The following CNTLN variants were observed in gnomAD, a reference collection of about 807,000 sequenced individuals.
CNTLN encodes centlein, centrosomal protein.
In CNTLN, 212 loss-of-function variants were observed where a neutral mutation model predicts 180.0. The observed-to-expected ratio is 1.18, with a 90% CI of 1.05 to 1.32. The LOEUF (loss-of-function observed/expected upper bound fraction) is 1.32, where lower values mean the gene tolerates loss of function less well. Among genes scored for constraint, CNTLN ranks in the 40% most tolerant of loss-of-function variants. The pLI, the probability that CNTLN is intolerant of heterozygous loss-of-function variation, is 0.00. For synonymous variants in CNTLN, 722 were observed against 563.1 expected (o/e 1.28, Z -3.99); for missense variants, 2,095 against 1,610.9 (o/e 1.30, Z -5.14).
intron 25 of CNTLN, among the ~76,000 whole-genome samples, chr9:17,491,309 A>G (rs1833149576): frequency 6.6e-6 from 1 of 152,130 alleles, no homozygotes; most frequent in African/African-American, 2.4e-5. Context: ...AAAGAGATAA[A>G]AATTCACTAC....
chr9:17,165,528 G>A lies in CNTLN; in HGVS notation c.449+22152G>A, dbSNP rs1305942385. On this transcript the variant is annotated intron_variant, in intron 2 of 25. Coordinates refer to ENST00000380647, the MANE Select transcript of CNTLN (RefSeq NM_017738.4). ...TAGGTTACATCAGTAATCTGTGATG[G>A]TTGGAGTGAAGGATGAGGCTACAAA... is the stretch of plus-strand genomic sequence containing the variant. Among the ~76,000 whole-genome samples, 5 of 152,176 alleles carry A rather than the reference G, an allele frequency of 3.3e-5. No individual in the cohort carries two copies. The South Asian group carries it at 6.2e-4, about 19-fold the overall frequency.
At chr9:17,195,768 G>T (rs1489158821) in intron 2 of CNTLN, among the ~76,000 whole-genome samples, 5 of 151,748 alleles carry the variant, frequency 3.3e-5, no homozygotes, top group African/African-American at 4.9e-5. Flanking sequence ...ATCCCTTATT[G>T]ACTAAAGAAA....
At chr9:17,526,248 A>T in the CNTLN span, among the ~76,000 whole-genome samples, 1 of 152,182 alleles carries the variant, frequency 6.6e-6, no homozygotes, top group African/African-American at 2.4e-5. Flanking sequence ...ACATTTTTGT[A>T]TACATCATTT....
chr9:17,207,512 C>T (rs1010515400), intron 2 of CNTLN, among the ~76,000 whole-genome samples: 2 of 152,174 alleles, frequency 1.3e-5, no homozygotes, highest in African/African-American at 4.8e-5. Context: ...TTCCGTTGTG[C>T]AGACTGCAAA....
chr9:17,331,032 A>G (rs538100286), intron 9 of CNTLN, among the ~76,000 whole-genome samples: 3 of 152,022 alleles, frequency 2.0e-5, no homozygotes, highest in Non-Finnish European at 4.4e-5. Flanking sequence ...ATATATTATT[A>G]GTGCTATACC....
chr9:17,442,089 G>GTT (rs1830143617), intron 18 of CNTLN, among the ~76,000 whole-genome samples: 1 of 152,162 alleles, frequency 6.6e-6, no homozygotes, highest in Non-Finnish European at 1.5e-5. Context: ...AATAGGAGAC[G>GTT]TAAGTACTCC....
intron 13 of CNTLN, among the ~76,000 whole-genome samples, chr9:17,384,058 A>G (rs1342215448): frequency 6.6e-6 from 1 of 152,214 alleles, no homozygotes; most frequent in Non-Finnish European, 1.5e-5. Context: ...AGTAGAAAAT[A>G]AACAGTCTAA....
At chr9:17,520,527 T>C in the CNTLN span, among the ~76,000 whole-genome samples, 1 of 152,192 alleles carries the variant, frequency 6.6e-6, no homozygotes. Flanking sequence ...CCCTGAATTG[T>C]ATGGGAAGGG....
intron 6 of CNTLN, among the ~76,000 whole-genome samples, chr9:17,287,515 G>A (rs1301002091): frequency 6.6e-6 from 1 of 151,114 alleles, no homozygotes; most frequent in Non-Finnish European, 1.5e-5. Flanking sequence ...AATGATGCTG[G>A]CCTCATAAAA....
At chr9:17,406,640 C>G (rs918454336) in intron 15 of CNTLN, among the ~76,000 whole-genome samples, 2 of 151,684 alleles carry the variant, frequency 1.3e-5, no homozygotes, top group Admixed American at 6.6e-5. Flanking sequence ...TTATAACATA[C>G]TATATCATAT....
chr9:17,438,697 A>G (rs1216057198), intron 18 of CNTLN, among the ~76,000 whole-genome samples: 1 of 152,238 alleles, frequency 6.6e-6, no homozygotes, highest in Non-Finnish European at 1.5e-5. Flanking sequence ...AGTAAGTAGT[A>G]GGATATATGA....
intron 13 of CNTLN, among the ~76,000 whole-genome samples, chr9:17,372,138 T>G (rs1041026664): frequency 1.3e-5 from 2 of 151,848 alleles, no homozygotes; most frequent in African/African-American, 4.8e-5. Flanking sequence ...AAAATTAAAA[T>G]GAATAAAACA....
intron 2 of CNTLN, among the ~76,000 whole-genome samples, chr9:17,163,743 T>A (rs1236217131): frequency 6.6e-6 from 1 of 152,140 alleles, no homozygotes; most frequent in Non-Finnish European, 1.5e-5. Context: ...AAAACATTGA[T>A]CTGGCTGGGC....
At chr9:17,455,674 A>G (rs1393783689) in intron 18 of CNTLN, among the ~76,000 whole-genome samples, 4 of 152,298 alleles carry the variant, frequency 2.6e-5, no homozygotes, top group South Asian at 2.1e-4. Context: ...GCAGAAAGAA[A>G]CACCACGTGT....
Position 17,188,024 on chromosome 9 carries a change from A to G in CNTLN, c.450-38179A>G, listed in dbSNP as rs1219017423. On this transcript the variant is annotated intron_variant, in intron 2 of 25. Coordinates refer to ENST00000380647, the MANE Select transcript of CNTLN (RefSeq NM_017738.4). ...ATATATATACACCATATATATATATATATATATACACAGCATATTTATGTA... is the reference window on the plus strand; with the variant it reads ...ATATATATACACCATATATATATATGTATATATACACAGCATATTTATGTA... Among the ~76,000 whole-genome samples the G allele has an allele frequency of 2.7e-5, 4 of 149,584 alleles. No individual in the cohort carries two copies. In the East Asian group the frequency reaches 7.8e-4, roughly 29 times the overall value.
At chr9:17,198,968 T>C (rs1822327106) in intron 2 of CNTLN, among the ~76,000 whole-genome samples, 1 of 152,160 alleles carries the variant, frequency 6.6e-6, no homozygotes, top group Non-Finnish European at 1.5e-5. Context: ...TTTGCTATTG[T>C]AAATAATGCT....
At chr9:17,143,461 T>A (rs1818243245) in intron 2 of CNTLN, 85 bp downstream of exon 2, 1 of 940,194 alleles carries the variant, frequency 1.1e-6, no homozygotes. Context: ...TTATCATTAA[T>A]CTCCTAAAGA....
chr9:17,166,365 A>T (rs1416583614), intron 2 of CNTLN, among the ~76,000 whole-genome samples: 2 of 152,190 alleles, frequency 1.3e-5, no homozygotes, highest in Non-Finnish European at 2.9e-5. Flanking sequence ...AAGGAAAAGA[A>T]TAAGAATCAA....
chr9:17,202,765 C>T (rs1040004849), intron 2 of CNTLN, among the ~76,000 whole-genome samples: 2 of 150,934 alleles, frequency 1.3e-5, no homozygotes, highest in South Asian at 2.1e-4. Context: ...GAGTGCAGCA[C>T]ACCCATGGGT....
Sources: allele counts gnomAD v4.1 joint callset (sites outside exome capture counted in the v4.1 genomes callset), GRCh38; gene constraint gnomAD v4.1.1; transcripts MANE v1.5; gene names NCBI Gene and HGNC (gene_info 2026-07-23, HGNC 2026-07-21).